GPC3: variants seen among roughly 807,000 people sequenced by gnomAD.
GPC3 encodes glypican 3, also known as glypican-3.
A neutral mutation model predicts 34.4 loss-of-function variants in GPC3; 3 were observed. That is an observed-to-expected ratio of 0.09 (90% CI 0.04 to 0.23). The LOEUF is 0.23. GPC3 is among the 10% of genes least tolerant of loss of function. GPC3 has a pLI of 1.00. For missense variants in GPC3, 351 were observed against 445.6 expected (o/e 0.79, Z 1.91); for synonymous variants, 177 against 174.0 (o/e 1.02, Z -0.13).
At position 133,716,171 on chromosome X, in the gene GPC3, A is replaced by C. The variant is rs377700529; in HGVS notation, c.1033-16143T>G. The stretch of plus-strand genomic sequence containing the variant: ...TACCACCACAATAACAAACACCAAC[A>C]ACAATGCCTGAGGATAGGGGAGAAT... On this transcript the variant is annotated intron_variant, in intron 3 of 7. Coordinates refer to ENST00000370818, the MANE Select transcript of GPC3 (RefSeq NM_004484.4). 1.9e-4 allele frequency among the ~76,000 whole-genome samples: 21 copies of C among 112,305 alleles called. 1 individual carries two copies. Among genetic ancestry groups the C allele is most frequent in the African/African-American group, 6.1e-4 (19 of 30,951 alleles).
At chrX:133,553,373 TCAA>T (rs1353025757) in intron 7 of GPC3, among the ~76,000 whole-genome samples, 2 of 111,691 alleles carry the variant, frequency 1.8e-5, no homozygotes, top group African/African-American at 6.5e-5. Flanking sequence ...TAAAATGCAA[TCAA>T]CAACAACAAC....
chrX:133,953,556 C>T (rs760065327), intron 1 of GPC3, among the ~76,000 whole-genome samples: 1 of 111,563 alleles, frequency 9.0e-6, no homozygotes. Context: ...AATCTTCACT[C>T]CTATAATTTA....
At chrX:133,660,399 T>C (rs1386294773) in intron 6 of GPC3, among the ~76,000 whole-genome samples, 2 of 112,345 alleles carry the variant, frequency 1.8e-5, no homozygotes, top group African/African-American at 6.5e-5. Flanking sequence ...ACACTGTCAC[T>C]CTGGTATATG....
intron 1 of GPC3, among the ~76,000 whole-genome samples, chrX:133,968,850 G>A (rs1385324922): frequency 2.7e-5 from 3 of 109,953 alleles, no homozygotes; most frequent in Non-Finnish European, 5.7e-5. Flanking sequence ...TACTTAGGCT[G>A]CACTTTTGCA....
intron 2 of GPC3, among the ~76,000 whole-genome samples, chrX:133,912,572 T>A (rs1171387379): frequency 9.3e-6 from 1 of 107,641 alleles, no homozygotes; most frequent in African/African-American, 3.4e-5. Flanking sequence ...ATTGCCTGAC[T>A]GATTTTCAAT....
chrX:133,815,491 G>A (rs1187615177), intron 2 of GPC3, among the ~76,000 whole-genome samples: 2 of 109,456 alleles, frequency 1.8e-5, no homozygotes, highest in Non-Finnish European at 1.9e-5. Flanking sequence ...TTTTGTTTTT[G>A]TTTGAAGCTG....
At chrX:133,799,318 G>T (rs1013369035) in intron 2 of GPC3, among the ~76,000 whole-genome samples, 4 of 111,811 alleles carry the variant, frequency 3.6e-5, no homozygotes, top group African/African-American at 1.3e-4. Flanking sequence ...TCTGAGCCCA[G>T]GAGGCAGAGG....
At chrX:133,906,274 T>C (rs2076167416) in intron 2 of GPC3, among the ~76,000 whole-genome samples, 2 of 112,197 alleles carry the variant, frequency 1.8e-5, no homozygotes, top group South Asian at 7.5e-4. Context: ...ATAGGCTGCA[T>C]TAATATGCAG....
rs68159308 is a variant in GPC3 at position 133,584,930 on chromosome X, CAA to C, written c.1573+11508_1573+11509del. On this transcript the variant is annotated intron_variant, in intron 7 of 7. Transcript: ENST00000370818. ...CATTCACATTAGGATTATAAAAAGCCAAAAAAAAAAAAAAAACAAAAAAACAA... is the reference window on the plus strand; with the variant it reads ...CATTCACATTAGGATTATAAAAAGCCAAAAAAAAAAAAAACAAAAAAACAA... Among the ~76,000 whole-genome samples the C allele has an allele frequency of 8.2e-3, 560 of 68,199 alleles. 4 individuals are homozygous for C. The highest frequency in any genetic ancestry group is 0.017 in the African/African-American group (312 of 18,116). The allele number at this position is 68,199 out of a possible 115,157, so 59.2% of individuals were successfully genotyped here. A position where few individuals can be genotyped will look rare whatever the true frequency, so the allele number is the denominator to read the frequency against.
At chrX:133,927,225 A>T (rs779381256) in intron 2 of GPC3, among the ~76,000 whole-genome samples, 1 of 110,978 alleles carries the variant, frequency 9.0e-6, no homozygotes, top group Non-Finnish European at 1.9e-5. Context: ...TTTTTTTTTT[A>T]AAGTACAAAG....
chrX:133,768,939 C>CA (rs200909452), intron 2 of GPC3, among the ~76,000 whole-genome samples: 2,255 of 102,110 alleles, frequency 0.022, 29 homozygotes, highest in Non-Finnish European at 0.03. Flanking sequence ...GACACTGTCT[C>CA]AAAAAAAAAC....
At chrX:133,855,404 G>A (rs1258541895) in intron 2 of GPC3, among the ~76,000 whole-genome samples, 2 of 109,553 alleles carry the variant, frequency 1.8e-5, no homozygotes, top group African/African-American at 3.3e-5. Flanking sequence ...GAGCTCAAGC[G>A]ATCCGCCCAC....
intron 2 of GPC3, among the ~76,000 whole-genome samples, chrX:133,823,750 C>G (rs1211556732): frequency 9.1e-6 from 1 of 110,495 alleles, no homozygotes; most frequent in African/African-American, 3.3e-5. Context: ...GAGGATGAGG[C>G]GGGCAGATCA....
At chrX:133,605,178 G>GA (rs1569394782) in intron 6 of GPC3, among the ~76,000 whole-genome samples, 6 of 108,974 alleles carry the variant, frequency 5.5e-5, no homozygotes, top group African/African-American at 2.0e-4. Context: ...CACGTGGGGG[G>GA]GGGGCAATAA....
chrX:133,802,989 C>T (rs2075617543), intron 2 of GPC3, among the ~76,000 whole-genome samples: 1 of 94,201 alleles, frequency 1.1e-5, no homozygotes. Flanking sequence ...GGTGTGATCT[C>T]GGCTCACTGC....
At position 133,814,916 on chromosome X, in the gene GPC3, C is replaced by T. The variant is rs1175369524; in HGVS notation, c.338-60740G>A. Among the ~76,000 whole-genome samples the T allele has an allele frequency of 3.6e-5, 4 of 111,219 alleles. No homozygotes were observed. The East Asian group carries it at 1.1e-3, about 31-fold the overall frequency. On this transcript the variant is annotated intron_variant, in intron 2 of 7. Transcript: ENST00000370818. ...TAAATCCAATGATAGCTGATCAAATCAGTGCCTCTCCTGTTCCAAACTTGA... is the reference window on the plus strand; with the variant it reads ...TAAATCCAATGATAGCTGATCAAATTAGTGCCTCTCCTGTTCCAAACTTGA...
Position 133,941,462 on chromosome X carries a change from G to C in GPC3, c.337+11588C>G, listed in dbSNP as rs190146571. On this transcript the variant is annotated intron_variant, in intron 2 of 7. Transcript: ENST00000370818. Reference sequence around the variant, plus strand: ...GACTGATAAGTGCCAAGGGACAAGTGAATAACAACTACACTAGTCACTTAA... The same window carrying C: ...GACTGATAAGTGCCAAGGGACAAGTCAATAACAACTACACTAGTCACTTAA... 9.8e-5 allele frequency among the ~76,000 whole-genome samples: 11 copies of C among 112,733 alleles called. No individual in the cohort carries two copies. The East Asian group carries it at 3.1e-3, about 32-fold the overall frequency.
At chrX:133,913,977 C>G (rs1187203866) in intron 2 of GPC3, among the ~76,000 whole-genome samples, 1 of 110,269 alleles carries the variant, frequency 9.1e-6, no homozygotes, top group Non-Finnish European at 1.9e-5. Flanking sequence ...TCCTGCTTCC[C>G]TTGTATTACA....
intron 2 of GPC3, among the ~76,000 whole-genome samples, chrX:133,878,413 G>T (rs1361664383): frequency 2.7e-5 from 3 of 110,685 alleles, no homozygotes; most frequent in Non-Finnish European, 3.8e-5. Context: ...GGCGACAAGA[G>T]TGAGACTCTG....
Sources: gnomAD v4.1 joint callset for allele counts (sites outside exome capture counted in the v4.1 genomes callset) on GRCh38, gnomAD v4.1.1 for gene constraint, MANE v1.5 for transcripts, NCBI Gene and HGNC (gene_info 2026-07-23, HGNC 2026-07-21) for gene names.